WNK2: variants seen among roughly 807,000 people sequenced by gnomAD.
WNK2 encodes the protein serine/threonine-protein kinase WNK2.
Under a neutral mutation model 192.1 loss-of-function variants are expected in WNK2, and 67 were observed. The ratio of observed to expected loss-of-function variants is 0.35; its 90% confidence interval spans 0.29 to 0.43. The LOEUF (loss-of-function observed/expected upper bound fraction) is 0.43. Among genes scored for constraint, WNK2 ranks in the 20% least tolerant of loss-of-function variants. The probability of loss-of-function intolerance (pLI) is 1.00; values close to 1 mark genes in which losing one functional copy is unlikely to be tolerated. For synonymous variants in WNK2, 1,439 were observed against 1,393.9 expected (o/e 1.03, Z -0.72); for missense variants, 2,698 against 3,089.7 (o/e 0.87, Z 3.01).
rs775014351 is a variant in WNK2, at chr9:93,256,368, C to CCGG, written c.2106_2108dup (p.Ala703dup). On this transcript the variant is annotated inframe_insertion, in exon 10 of 30. Coordinates refer to ENST00000427277, the MANE Select transcript of WNK2 (RefSeq NM_006648.4). ...GTCCCTCCAGCAGCACTTCCCGGATCCGGCCATGAGCTTCGCCCCCGTGCT... is the reference window on the plus strand; with the variant it reads ...GTCCCTCCAGCAGCACTTCCCGGATCCGGCGGCCATGAGCTTCGCCCCCGTGCT... The CCGG allele has an allele frequency of 6.3e-7, 1 of 1,579,876 alleles. No homozygotes were observed. Among genetic ancestry groups the CCGG allele is most frequent in the South Asian group, 1.2e-5 (1 of 86,876 alleles).
chr9:93,230,579 A>C (rs1838606174), intron 3 of WNK2, among the ~76,000 whole-genome samples: 1 of 152,176 alleles, frequency 6.6e-6, no homozygotes, highest in African/African-American at 2.4e-5. Context: ...TGCCTTGGGC[A>C]ACTTACAAGT....
At chr9:93,231,345 T>G (rs1425580826) in intron 4 of WNK2, among the ~76,000 whole-genome samples, 4 of 152,240 alleles carry the variant, frequency 2.6e-5, no homozygotes, top group Non-Finnish European at 4.4e-5. Flanking sequence ...GATAGCTGAC[T>G]TGGCTGCCTC....
chr9:93,185,783 G>C (rs1829197287), intron 2 of WNK2, among the ~76,000 whole-genome samples, 173 bp downstream of exon 2: 1 of 152,242 alleles, frequency 6.6e-6, no homozygotes, highest in Non-Finnish European at 1.5e-5. Flanking sequence ...TGTGCGGACG[G>C]CATGTGGGGC....
At chr9:93,234,768 G>A (rs565432655) in intron 4 of WNK2, 40 bp from the exon 5 acceptor site, 14 of 1,594,242 alleles carry the variant, frequency 8.8e-6, no homozygotes, top group East Asian at 4.5e-5. Context: ...TCCTGGGCCC[G>A]TGGCCAGCTG....
chr9:93,223,041 C>A (rs539859888), intron 2 of WNK2, among the ~76,000 whole-genome samples: 96 of 152,294 alleles, frequency 6.3e-4, no homozygotes, highest in Non-Finnish European at 1.1e-3. Flanking sequence ...CCTGTCAATG[C>A]GGTTGTGTAT....
At chr9:93,186,563 G>T (rs1213424727) in intron 2 of WNK2, among the ~76,000 whole-genome samples, 1 of 152,220 alleles carries the variant, frequency 6.6e-6, no homozygotes, top group Non-Finnish European at 1.5e-5. Context: ...TGTAAAGTTA[G>T]CTGGCTGTCC....
At chr9:93,299,381 G>T in intron 25 of WNK2, 120 bp downstream of exon 25, 1 of 1,052,516 alleles carries the variant, frequency 9.5e-7, no homozygotes, top group South Asian at 2.2e-5. Flanking sequence ...GCTGTTGAGA[G>T]GCTTCTTTTA....
At chr9:93,251,227 T>TGCCTCA (rs1449662334) in intron 8 of WNK2, among the ~76,000 whole-genome samples, 10 of 152,174 alleles carry the variant, frequency 6.6e-5, no homozygotes, top group Admixed American at 4.6e-4. Context: ...GCTATTCTCC[T>TGCCTCA]GCCTCAGCCT....
At chr9:93,196,423 G>T (rs1251067407) in intron 2 of WNK2, among the ~76,000 whole-genome samples, 1 of 152,150 alleles carries the variant, frequency 6.6e-6, no homozygotes, top group Non-Finnish European at 1.5e-5. Context: ...GCTGGGACAT[G>T]GGGTTTTCTC....
At chr9:93,192,098 G>A (rs560936413) in intron 2 of WNK2, among the ~76,000 whole-genome samples, 5 of 151,828 alleles carry the variant, frequency 3.3e-5, no homozygotes, top group East Asian at 3.9e-4. Context: ...GGCGGAACAC[G>A]AGGTCAAGAG....
At chr9:93,200,502 G>T (rs1247182353) in intron 2 of WNK2, among the ~76,000 whole-genome samples, 1 of 152,208 alleles carries the variant, frequency 6.6e-6, no homozygotes, top group Non-Finnish European at 1.5e-5. Flanking sequence ...TCAGCCTCTC[G>T]GCAATTCGAC....
Position 93,240,795 on chromosome 9 carries a change from A to G in WNK2, c.1542+819A>G, listed in dbSNP as rs147755077. Among the ~76,000 whole-genome samples, 17 of 152,324 alleles carry G rather than the reference A, an allele frequency of 1.1e-4. No homozygotes were observed. The East Asian group carries it at 3.1e-3, about 28-fold the overall frequency. On this transcript the variant is annotated intron_variant, in intron 7 of 29. Coordinates refer to ENST00000427277, the MANE Select transcript of WNK2 (RefSeq NM_006648.4). ...CTTGATTCTCAGGTCTGTGCCATCCAGTAAAATCGCCACTGCCCACATGTG... is the reference window on the plus strand; with the variant it reads ...CTTGATTCTCAGGTCTGTGCCATCCGGTAAAATCGCCACTGCCCACATGTG...
chr9:93,219,622 G>A (rs1836443029), intron 2 of WNK2, among the ~76,000 whole-genome samples: 2 of 152,254 alleles, frequency 1.3e-5, no homozygotes, highest in African/African-American at 4.8e-5. Flanking sequence ...GGTAGTGTGG[G>A]CCGAGGCTTA....
At chr9:93,250,237 C>T (rs188582897) in intron 8 of WNK2, among the ~76,000 whole-genome samples, 2 of 152,328 alleles carry the variant, frequency 1.3e-5, no homozygotes, top group Admixed American at 1.3e-4. Flanking sequence ...ACGTGAACAC[C>T]TGCACACAGA....
chr9:93,256,782 G>C (rs1159017687), intron 10 of WNK2, 166 bp from the exon 11 acceptor site: 1 of 708,110 alleles, frequency 1.4e-6, no homozygotes, highest in African/African-American at 1.8e-5. Flanking sequence ...GTGTCTGAAT[G>C]TGTATACGTG....
In WNK2 at chr9:93,288,823, G is replaced by C. The variant is rs1473719076; in HGVS notation, c.4069G>C (p.Glu1357Gln). ...APYKDQLSSK[E>Q]QPSFLASQQL... Reference sequence around the variant, plus strand: ...CTATAAAGACCAGCTGTCCTCGAAGGAACAACCCAGCTTTCTAGCCAGTCA... The same window carrying C: ...CTATAAAGACCAGCTGTCCTCGAAGCAACAACCCAGCTTTCTAGCCAGTCA... The change falls in exon 20 of 30, where the codon GAA (glutamate) becomes CAA (glutamine). Residue 1357 changes from glutamate (E) to glutamine (Q), a missense_variant. Physicochemically the swap from Glu to Gln is conservative, Grantham distance 29. Around this residue, in one of 7 missense-constraint regions of WNK2, gnomAD observed 1,098 missense variants for 1,101.0 expected, o/e 1.00. Coordinates refer to ENST00000427277, the MANE Select transcript of WNK2 (RefSeq NM_006648.4). The C allele has an allele frequency of 6.2e-7, 1 of 1,612,078 alleles. No homozygotes were observed.
chr9:93,222,705 A>G (rs923816882), intron 2 of WNK2, among the ~76,000 whole-genome samples: 3 of 151,936 alleles, frequency 2.0e-5, no homozygotes, highest in Non-Finnish European at 4.4e-5. Flanking sequence ...TTTTTGAGAC[A>G]GAGTTTCAGT....
chr9:93,260,186 G>C (rs537703520), intron 12 of WNK2, among the ~76,000 whole-genome samples: 1 of 152,154 alleles, frequency 6.6e-6, no homozygotes, highest in East Asian at 1.9e-4. Context: ...GTGAAGGGGC[G>C]CTCTGGAACA....
At chr9:93,290,189 C>T in intron 21 of WNK2, 142 bp downstream of exon 21, 1 of 720,752 alleles carries the variant, frequency 1.4e-6, no homozygotes, top group Non-Finnish European at 2.3e-6. Flanking sequence ...GTAAGGGATC[C>T]TTTAGCATCC....
Sources: gnomAD v4.1 joint callset for allele counts (sites outside exome capture counted in the v4.1 genomes callset) on GRCh38, gnomAD v4.1.1 for gene constraint, gnomAD v4.1.1 regional missense constraint, MANE v1.5 for transcripts, NCBI Gene and HGNC (gene_info 2026-07-23, HGNC 2026-07-21) for gene names.